Variants in TTBK2 observed in about 807,000 individuals in gnomAD.
TTBK2 encodes the protein tau-tubulin kinase 2.
In TTBK2, 28 loss-of-function variants were observed where a neutral mutation model predicts 110.8. That is an observed-to-expected ratio of 0.25 (90% CI 0.19 to 0.35). The LOEUF (loss-of-function observed/expected upper bound fraction) is 0.35. TTBK2 is among the 10% of genes least tolerant of loss of function. The probability of loss-of-function intolerance (pLI) is 1.00; values close to 1 mark genes in which losing one functional copy is unlikely to be tolerated. For missense variants in TTBK2, 1,369 were observed against 1,500.3 expected, an observed-to-expected ratio of 0.91 and a Z score of 1.45; for synonymous variants, 532 against 527.3, an observed-to-expected ratio of 1.01 and a Z score of -0.12.
In TTBK2 at chr15:42,775,553, G is replaced by A. The variant is rs770799522; in HGVS notation, c.1580C>T (p.Ala527Val). Reference protein sequence around the residue: ...KPASANTPEQADGGGSNGFIA... With the variant: ...KPASANTPEQVDGGGSNGFIA... ...AAATCCATTGCTGCCACCACCATCTGCCTGCTCAGGGGTGTTGGCAGAAGC... is the reference window on the plus strand; with the variant it reads ...AAATCCATTGCTGCCACCACCATCTACCTGCTCAGGGGTGTTGGCAGAAGC... Residue 527 changes from alanine to valine, a missense_variant, in exon 13 of 15, where the codon GCA becomes GTA. By Grantham distance (64) the Ala-to-Val change is moderately conservative. This residue lies in a region of TTBK2 where 1,097 missense variants were observed against 1,114.7 expected (regional missense o/e 0.98). Coordinates refer to ENST00000267890, the MANE Select transcript of TTBK2 (RefSeq NM_173500.4). The A allele has an allele frequency of 1.5e-5, 24 of 1,614,158 alleles. No individual in the cohort carries two copies. The highest frequency in any genetic ancestry group is 2.0e-5 in the Non-Finnish European group (24 of 1,180,020).
chr15:42,749,958 C>G (rs1358686258), intron 14 of TTBK2, among the ~76,000 whole-genome samples: 1 of 152,094 alleles, frequency 6.6e-6, no homozygotes, highest in African/African-American at 2.4e-5. Context: ...TGCTGGCATG[C>G]ACCTGTAGTT....
At chr15:42,857,091 G>C (rs1893974734) in intron 3 of TTBK2, among the ~76,000 whole-genome samples, 1 of 151,824 alleles carries the variant, frequency 6.6e-6, no homozygotes, top group African/African-American at 2.4e-5. Context: ...ATCAATATTG[G>C]TTCATCAGTT....
At chr15:42,914,731 T>G (rs2030984513) in intron 1 of TTBK2, among the ~76,000 whole-genome samples, 1 of 152,202 alleles carries the variant, frequency 6.6e-6, no homozygotes, top group South Asian at 2.1e-4. Context: ...TTGTCATTAT[T>G]TATTTAATTA....
At chr15:42,840,017 G>C (rs1179438543) in intron 4 of TTBK2, among the ~76,000 whole-genome samples, 7 of 152,252 alleles carry the variant, frequency 4.6e-5, no homozygotes, top group African/African-American at 1.7e-4. Context: ...GCACAAAACA[G>C]ACTAAGACAA....
At chr15:42,809,556 A>T (rs930941503) in intron 9 of TTBK2, among the ~76,000 whole-genome samples, 4 of 152,232 alleles carry the variant, frequency 2.6e-5, no homozygotes, top group Non-Finnish European at 5.9e-5. Context: ...GTATAATTTC[A>T]TTGCTTTAAG....
chr15:42,885,302 AG>A (rs1895198197), intron 1 of TTBK2, among the ~76,000 whole-genome samples: 1 of 152,238 alleles, frequency 6.6e-6, no homozygotes, highest in African/African-American at 2.4e-5. Context: ...AACCAGCCCA[AG>A]GAACATCTCA....
In TTBK2 at chr15:42,810,750, AAG is replaced by A; in HGVS notation, c.697-13_697-12del. The A allele has an allele frequency of 6.2e-7, 1 of 1,613,492 alleles. No homozygotes were observed. Reference sequence around the variant, plus strand: ...AGAGCCTACTTGCTCCTGGGAAGTAAAGAGAAAAAGAGCTACAGTCAATTTCT... The same window carrying A: ...AGAGCCTACTTGCTCCTGGGAAGTAAAGAAAAAGAGCTACAGTCAATTTCT... On this transcript the variant is annotated splice_polypyrimidine_tract_variant and intron_variant, in intron 8 of 14. Transcript: ENST00000267890.
At chr15:42,807,614 T>TTGTTC (rs1428321843) in intron 9 of TTBK2, among the ~76,000 whole-genome samples, 1 of 151,904 alleles carries the variant, frequency 6.6e-6, no homozygotes, top group African/African-American at 2.4e-5. Flanking sequence ...TTGTTTTGTT[T>TTGTTC]TTTGTAGAAA....
intron 11 of TTBK2, among the ~76,000 whole-genome samples, chr15:42,777,539 G>A (rs1889987426): frequency 6.6e-6 from 1 of 152,176 alleles, no homozygotes; most frequent in Admixed American, 6.5e-5. Flanking sequence ...CTGACATGAG[G>A]CTTGTAGTAT....
At chr15:42,801,888 G>C in intron 9 of TTBK2, 1 of 1,393,996 alleles carries the variant, frequency 7.2e-7, no homozygotes, top group East Asian at 2.3e-5. Flanking sequence ...ACTTGTTCCT[G>C]AAGTCCTCCA....
chr15:42,778,290 C>CA (rs55838282), intron 11 of TTBK2, among the ~76,000 whole-genome samples: 89,630 of 127,370 alleles, frequency 0.7, 31,223 homozygotes, highest in Middle Eastern at 0.83. Context: ...AGCAAGTAAG[C>CA]AAAAAAAAAA....
At chr15:42,762,400 A>T (rs1193801389) in intron 13 of TTBK2, among the ~76,000 whole-genome samples, 2 of 152,190 alleles carry the variant, frequency 1.3e-5, no homozygotes, top group African/African-American at 4.8e-5. Flanking sequence ...CAAGTGTACA[A>T]CAACAGATGA....
At position 42,764,509 on chromosome 15, in the gene TTBK2, G is replaced by A. The variant is rs565560190; in HGVS notation, c.1998+10626C>T. Among the ~76,000 whole-genome samples, 30 of 152,382 alleles carry A rather than the reference G, an allele frequency of 2.0e-4. 1 individual carries two copies. In the East Asian group the frequency reaches 5.6e-3, roughly 28 times the overall value. ...CCACGGAGCCTTGCTCACTGCTAGC[G>A]CAGCAGTCTGAGATCAACTTGTGAG... On this transcript the variant is annotated intron_variant, in intron 13 of 14. Transcript: ENST00000267890.
Position 42,850,405 on chromosome 15 carries a change from T to C in TTBK2, c.218-9972A>G, listed in dbSNP as rs1008571250. ...AATGGTAAACCCACTGCTGGTTCAA[T>C]GGTACTTTGAATTTTGGTCTTCTTC... is the stretch of plus-strand genomic sequence containing the variant. On this transcript the variant is annotated intron_variant, in intron 3 of 14. Transcript: ENST00000267890. 2.6e-5 allele frequency among the ~76,000 whole-genome samples: 4 copies of C among 152,136 alleles called. No individual in the cohort carries two copies. In the East Asian group the frequency reaches 5.8e-4, roughly 22 times the overall value.
At chr15:42,818,514 T>TA (rs1567042186) in intron 6 of TTBK2, among the ~76,000 whole-genome samples, 2 of 151,990 alleles carry the variant, frequency 1.3e-5, no homozygotes, top group African/African-American at 2.4e-5. Flanking sequence ...GGTCAGAAGA[T>TA]AGAGACCATC....
At chr15:42,864,849 G>C (rs944719116) in intron 3 of TTBK2, among the ~76,000 whole-genome samples, 9 of 152,060 alleles carry the variant, frequency 5.9e-5, no homozygotes, top group Non-Finnish European at 1.2e-4. Context: ...ATTGATCTAA[G>C]AGATAACAGT....
At chr15:42,894,576 A>T (rs1212176533) in intron 1 of TTBK2, among the ~76,000 whole-genome samples, 1 of 151,908 alleles carries the variant, frequency 6.6e-6, no homozygotes, top group Non-Finnish European at 1.5e-5. Flanking sequence ...ACATGGTGAA[A>T]CCCTATCTCT....
intron 3 of TTBK2, chr15:42,871,480 G>T: frequency 1.0e-6 from 1 of 985,300 alleles, no homozygotes; most frequent in African/African-American, 1.7e-5. Flanking sequence ...TAGGAGAAAG[G>T]TGAAGTGGCA....
chr15:42,832,328 T>G (rs1019400327), intron 4 of TTBK2, among the ~76,000 whole-genome samples: 11 of 152,216 alleles, frequency 7.2e-5, no homozygotes, highest in Non-Finnish European at 1.3e-4. Flanking sequence ...TCAATTAAAT[T>G]TTATTTATGA....
Sources: gnomAD v4.1 joint callset for allele counts (sites outside exome capture counted in the v4.1 genomes callset) on GRCh38, gnomAD v4.1.1 for gene constraint, gnomAD v4.1.1 regional missense constraint, MANE v1.5 for transcripts, NCBI Gene and HGNC (gene_info 2026-07-23, HGNC 2026-07-21) for gene names.